The following BMS1 variants were observed in gnomAD, a reference collection of about 807,000 sequenced individuals.
The protein encoded by BMS1 is BMS1 ribosome biogenesis factor, also known as ribosome biogenesis protein BMS1 homolog.
A neutral mutation model predicts 138.7 loss-of-function variants in BMS1; 53 were observed. The observed-to-expected ratio is 0.38, with a 90% CI of 0.31 to 0.48. The LOEUF (loss-of-function observed/expected upper bound fraction) is 0.48. Ranked by LOEUF, BMS1 falls within the 20% of genes least tolerant of loss-of-function variation. The pLI, the probability that BMS1 is intolerant of heterozygous loss-of-function variation, is 0.97. For missense variants in BMS1, 1,360 were observed against 1,565.5 expected (o/e 0.87, Z 2.22); for synonymous variants, 504 against 539.9 (o/e 0.93, Z 0.92).
chr10:42,797,826 C>G (rs946518755), intron 11 of BMS1, among the ~76,000 whole-genome samples: 5 of 152,136 alleles, frequency 3.3e-5, no homozygotes, highest in African/African-American at 1.2e-4. Flanking sequence ...ATATTCCTGC[C>G]CATAAAAATA....
Position 42,796,870 on chromosome 10 carries a change from T to C in BMS1, c.1626T>C (p.Ala542=), listed in dbSNP as rs761948345. 1 of 1,614,226 alleles carries C rather than the reference T, an allele frequency of 6.2e-7. No homozygotes were observed. The highest frequency in any genetic ancestry group is 1.1e-5 in the South Asian group (1 of 91,090). Residue 542 remains alanine, a synonymous_variant, in exon 10 of 23, where the codon GCT becomes GCC. Transcript: ENST00000374518. The part of the protein sequence containing the change: ...AGEKGISGSK[A]AGEGSKAGLS... Reference sequence around the variant, plus strand: ...AGAAGGGCATTTCAGGATCAAAGGCTGCTGGAGAAGGTAGTAAAGCAGGGC... The same window carrying C: ...AGAAGGGCATTTCAGGATCAAAGGCCGCTGGAGAAGGTAGTAAAGCAGGGC...
chr10:42,823,186 A>G lies in BMS1; in HGVS notation c.3201A>G (p.Ile1067Met), dbSNP rs777421629. The change falls in exon 20 of 23, where the codon ATA becomes ATG. Residue 1067 changes from isoleucine (I) to methionine (M), a missense_variant. Physicochemically the swap from Ile to Met is conservative, Grantham distance 10. Around this residue, in one of 3 missense-constraint regions of BMS1, gnomAD observed 425 missense variants for 568.3 expected, o/e 0.75. Transcript: ENST00000374518. ...EGAVIRTVSG[I>M]RGQIKKALRA... Reference sequence around the variant, plus strand: ...CTGTGATTCGAACAGTCAGTGGGATAAGGGGGCAGATCAAGAAAGCACTCC... The same window carrying G: ...CTGTGATTCGAACAGTCAGTGGGATGAGGGGGCAGATCAAGAAAGCACTCC... 6.2e-7 allele frequency: 1 copy of G among 1,608,728 alleles called. No individual in the cohort carries two copies. Among genetic ancestry groups the G allele is most frequent in the Admixed American group, 1.7e-5 (1 of 59,102 alleles).
intron 12 of BMS1, among the ~76,000 whole-genome samples, chr10:42,800,287 G>A (rs150177034): frequency 6.6e-6 from 1 of 152,122 alleles, no homozygotes; most frequent in Non-Finnish European, 1.5e-5. Context: ...TGCTTCCCAG[G>A]TGATGGTGTT....
At chr10:42,821,059 T>C (rs999105991) in intron 18 of BMS1, 67 bp downstream of exon 18, 17 of 1,268,356 alleles carry the variant, frequency 1.3e-5, no homozygotes, top group East Asian at 2.3e-5. Flanking sequence ...TGGGTTATTA[T>C]GTACATGAGA....
intron 6 of BMS1, 35 bp from the exon 7 acceptor site, chr10:42,792,458 A>T: frequency 6.2e-7 from 1 of 1,606,104 alleles, no homozygotes; most frequent in South Asian, 1.1e-5. Context: ...AACTTTTGGC[A>T]TTCATTTCTG....
chr10:42,798,665 C>T (rs773268978), intron 12 of BMS1, 40 bp downstream of exon 12: 96 of 1,605,078 alleles, frequency 6.0e-5, no homozygotes, highest in Non-Finnish European at 7.0e-5. Context: ...AGAGAATTAG[C>T]GAATTGTTCT....
intron 15 of BMS1, 24 bp downstream of exon 15, chr10:42,817,518 G>A: frequency 1.3e-6 from 2 of 1,584,770 alleles, no homozygotes; most frequent in South Asian, 2.3e-5. Flanking sequence ...GTTCCTCTCA[G>A]CCCCTTGTCA....
In BMS1 at chr10:42,810,002, A is replaced by G. The variant is rs928554405; in HGVS notation, c.2330-6597A>G. 1.9e-4 allele frequency among the ~76,000 whole-genome samples: 25 copies of G among 129,008 alleles called. No individual in the cohort carries two copies. The Admixed American group carries it at 2.0e-3, about 10-fold the overall frequency. The allele number at this position is 129,008 out of a possible 152,430, so 84.6% of individuals were successfully genotyped here. A position where few individuals can be genotyped will look rare whatever the true frequency, so the allele number is the denominator to read the frequency against. ...AGAGCCAGGTCTTACTGTGTTGCCC[A>G]GGCTGGTCTTGGCTTCAAGGGAACT... On this transcript the variant is annotated intron_variant, in intron 13 of 22. Transcript: ENST00000374518.
intron 13 of BMS1, among the ~76,000 whole-genome samples, chr10:42,812,978 C>G (rs1842234767): frequency 6.6e-6 from 1 of 152,038 alleles, no homozygotes; most frequent in South Asian, 2.1e-4. Flanking sequence ...CCTTTGGGGC[C>G]CTGTGAGGCT....
chr10:42,789,803 C>T (rs1372777642), intron 4 of BMS1, among the ~76,000 whole-genome samples: 1 of 152,108 alleles, frequency 6.6e-6, no homozygotes, highest in Non-Finnish European at 1.5e-5. Context: ...ACTCTCTTCC[C>T]ATTCTTTGGA....
chr10:42,809,937 T>C (rs1842121629), intron 13 of BMS1, among the ~76,000 whole-genome samples: 1 of 150,492 alleles, frequency 6.6e-6, no homozygotes, highest in Admixed American at 6.7e-5. Context: ...AAGTGTGTGC[T>C]ATCATGTCTG....
chr10:42,796,889 G>A lies in BMS1; in HGVS notation c.1645G>A (p.Ala549Thr), dbSNP rs139656912. The change falls in exon 10 of 23, where the codon GCA (alanine) becomes ACA (threonine). Residue 549 changes from alanine to threonine, a missense_variant. By Grantham distance (58) the Ala-to-Thr change is moderately conservative. Around this residue, in one of 3 missense-constraint regions of BMS1, gnomAD observed 697 missense variants for 686.2 expected, o/e 1.02. Transcript: ENST00000374518. ...GSKAAGEGSK[A>T]GLSPANCQSD... ...AAAGGCTGCTGGAGAAGGTAGTAAA[G>A]CAGGGCTGTCACCAGCTAATTGCCA... 228 of 1,614,218 alleles carry A rather than the reference G, an allele frequency of 1.4e-4. No homozygotes were observed. In the East Asian group the frequency reaches 4.1e-3, roughly 29 times the overall value.
At chr10:42,794,022 A>T (rs767113813) in intron 9 of BMS1, 31 bp downstream of exon 9, 1 of 1,605,118 alleles carries the variant, frequency 6.2e-7, no homozygotes, top group South Asian at 1.1e-5. Context: ...TTTTTAATAA[A>T]AAGATGTATT....
chr10:42,820,383 G>A lies in BMS1; in HGVS notation c.2728G>A (p.Gly910Ser). The change falls in exon 16 of 23, where the codon GGT becomes AGT. Residue 910 changes from glycine to serine, a missense_variant. Gly to Ser is a moderately conservative substitution (Grantham distance 56, BLOSUM62 0). Coordinates refer to ENST00000374518, the MANE Select transcript of BMS1 (RefSeq NM_014753.4). ...TGACCCCCATTACCCCATTATCCTG[G>A]GTGGCTTGGGCAACAGTGAGGGAAA... ...NFDPHYPIIL[G>S]GLGNSEGNVG... 6.2e-7 allele frequency: 1 copy of A among 1,613,778 alleles called. No individual in the cohort carries two copies. The highest frequency in any genetic ancestry group is 8.5e-7 in the Non-Finnish European group (1 of 1,179,856).
intron 2 of BMS1, among the ~76,000 whole-genome samples, chr10:42,785,084 AGTAAGTAG>A (rs1289038853): frequency 6.6e-6 from 1 of 152,242 alleles, no homozygotes; most frequent in Non-Finnish European, 1.5e-5. Context: ...TCATATAACC[AGTAAGTAG>A]GAGAGCTAAA....
chr10:42,784,324 C>A, intron 1 of BMS1, 38 bp from the exon 2 acceptor site: 8 of 1,387,574 alleles, frequency 5.8e-6, no homozygotes, highest in Non-Finnish European at 7.7e-6. Flanking sequence ...TTGTAAAATG[C>A]TTCTCCCATC....
intron 6 of BMS1, 40 bp from the exon 7 acceptor site, chr10:42,792,453 T>C: frequency 6.2e-7 from 1 of 1,604,722 alleles, no homozygotes; most frequent in Non-Finnish European, 8.5e-7. Flanking sequence ...ATAGGAACTT[T>C]TGGCATTCAT....
intron 21 of BMS1, among the ~76,000 whole-genome samples, chr10:42,825,047 C>T (rs566429719): frequency 2.7e-4 from 41 of 151,996 alleles, no homozygotes; most frequent in African/African-American, 9.7e-4. Flanking sequence ...CTCACTCTGT[C>T]GCCCAAGCTG....
chr10:42,813,476 G>A (rs1193291624), intron 13 of BMS1, among the ~76,000 whole-genome samples: 2 of 152,136 alleles, frequency 1.3e-5, no homozygotes, highest in Non-Finnish European at 2.9e-5. Flanking sequence ...ACTGGTACCA[G>A]TATTTACCAC....
Sources: allele counts gnomAD v4.1 joint callset (sites outside exome capture counted in the v4.1 genomes callset), GRCh38; gene constraint gnomAD v4.1.1; regional missense constraint gnomAD v4.1.1; transcripts MANE v1.5; gene names NCBI Gene and HGNC (gene_info 2026-07-23, HGNC 2026-07-21).